HIGD1A: variants seen among roughly 807,000 people sequenced by gnomAD.
HIGD1A encodes HIG1 domain family member 1A, mitochondrial.
Under a neutral mutation model 11.3 loss-of-function variants are expected in HIGD1A, and 8 were observed. The ratio of observed to expected loss-of-function variants is 0.71; its 90% CI spans 0.42 to 1.28. The LOEUF (loss-of-function observed/expected upper bound fraction) is 1.28. HIGD1A is among the 50% of genes most tolerant of loss of function. The pLI is 0.01. For missense variants in HIGD1A, 107 were observed against 118.8 expected (o/e 0.90, Z 0.46); for synonymous variants, 32 against 38.4 (o/e 0.83, Z 0.62).
intron 2 of HIGD1A, among the ~76,000 whole-genome samples, chr3:42,791,389 A>G (rs930283727): frequency 6.6e-6 from 1 of 152,222 alleles, no homozygotes; most frequent in African/African-American, 2.4e-5. Flanking sequence ...ATTTAATTAG[A>G]AAAAGACATC....
At chr3:42,793,115 T>C (rs1439625386) in intron 2 of HIGD1A, among the ~76,000 whole-genome samples, 5 of 152,034 alleles carry the variant, frequency 3.3e-5, no homozygotes, top group African/African-American at 7.2e-5. Flanking sequence ...TGGAGAAATA[T>C]GTACATCAAA....
intron 1 of HIGD1A, among the ~76,000 whole-genome samples, chr3:42,801,334 G>A (rs181829428): frequency 3.9e-5 from 6 of 152,202 alleles, no homozygotes; most frequent in Admixed American, 1.3e-4. Flanking sequence ...CTTTAAGTTC[G>A]TAAGTGCTTT....
At chr3:42,793,207 T>C (rs1214448633) in intron 2 of HIGD1A, among the ~76,000 whole-genome samples, 1 of 152,170 alleles carries the variant, frequency 6.6e-6, no homozygotes, top group African/African-American at 2.4e-5. Flanking sequence ...TTTAAACTTT[T>C]TCTTAAGATT....
chr3:42,794,663 G>C (rs1700472163), intron 1 of HIGD1A, among the ~76,000 whole-genome samples: 1 of 152,150 alleles, frequency 6.6e-6, no homozygotes, highest in Non-Finnish European at 1.5e-5. Flanking sequence ...AAACCAAACT[G>C]ACAACTCCTA....
intron 1 of HIGD1A, among the ~76,000 whole-genome samples, chr3:42,802,686 C>A (rs1271224666): frequency 1.3e-5 from 2 of 152,114 alleles, no homozygotes; most frequent in Non-Finnish European, 2.9e-5. Context: ...GATGAATAAT[C>A]CAAGCCAATA....
Position 42,786,099 on chromosome 3 carries a change from G to T in HIGD1A, c.161C>A (p.Thr54Asn). The change falls in exon 3 of 4, where the codon ACT (threonine) becomes AAT (asparagine). Residue 54 changes from threonine to asparagine, a missense_variant. Thr to Asn is a moderately conservative substitution (Grantham distance 65, BLOSUM62 0). Coordinates refer to ENST00000321331, the MANE Select transcript of HIGD1A (RefSeq NM_014056.4). ...GTGGATCAGATGAATGGACATTTTA[G>T]TATTTCCCCTGCTCTTCAGTTTATA... The part of the protein sequence containing the change: ...GLYKLKSRGN[T>N]KMSIHLIHMR... 6.2e-7 allele frequency: 1 copy of T among 1,613,814 alleles called. No homozygotes were observed. Among genetic ancestry groups the T allele is most frequent in the African/African-American group, 1.3e-5 (1 of 75,038 alleles).
chr3:42,788,026 CCA>C (rs869144861), intron 2 of HIGD1A, among the ~76,000 whole-genome samples: 3 of 15,540 alleles, frequency 1.9e-4, no homozygotes, highest in African/African-American at 2.1e-4. Flanking sequence ...ACACATACCC[CCA>C]CCTCTAACCA....
chr3:42,804,460 C>T lies in HIGD1A; in HGVS notation c.-47G>A. ...CCTAGAGCGAGAAAACCTCTCACAC[C>T]CCAACCGGCTTCCGATCCCTGCAGG... On this transcript the variant is annotated 5_prime_UTR_variant, in exon 1 of 4. Transcript: ENST00000321331. 1 of 477,356 alleles carries T rather than the reference C, an allele frequency of 2.1e-6. No homozygotes were observed. The allele number at this position is 477,356 out of a possible 1,614,324, so 29.6% of individuals were successfully genotyped here.
intron 2 of HIGD1A, among the ~76,000 whole-genome samples, chr3:42,793,264 T>C (rs1299426931): frequency 1.3e-5 from 2 of 152,150 alleles, no homozygotes; most frequent in Non-Finnish European, 2.9e-5. Flanking sequence ...TAACTGCATA[T>C]TAAATGAATT....
intron 2 of HIGD1A, among the ~76,000 whole-genome samples, chr3:42,791,803 TA>T (rs1227511887): frequency 1.3e-5 from 2 of 152,096 alleles, no homozygotes; most frequent in Non-Finnish European, 2.9e-5. Flanking sequence ...CATAATGACT[TA>T]AATGACTTAA....
intron 3 of HIGD1A, among the ~76,000 whole-genome samples, chr3:42,785,579 A>C (rs1156926815): frequency 6.6e-6 from 1 of 152,242 alleles, no homozygotes; most frequent in African/African-American, 2.4e-5. Context: ...TTGAAAGAAC[A>C]ATCAATATTT....
intron 1 of HIGD1A, 115 bp from the exon 2 acceptor site, chr3:42,794,390 T>C (rs905165418): frequency 9.9e-7 from 1 of 1,007,154 alleles, no homozygotes; most frequent in Non-Finnish European, 1.4e-6. Context: ...ATGTTATCCA[T>C]AATCCTAAAG....
chr3:42,803,152 C>T (rs560632156), intron 1 of HIGD1A, among the ~76,000 whole-genome samples: 7 of 152,290 alleles, frequency 4.6e-5, no homozygotes, highest in Non-Finnish European at 1.0e-4. Context: ...CTAAAAAAGG[C>T]ACCAGTAACC....
Position 42,787,030 on chromosome 3 carries a change from A to C in HIGD1A, c.98-868T>G, listed in dbSNP as rs577140087. 5.3e-5 allele frequency among the ~76,000 whole-genome samples: 8 copies of C among 152,342 alleles called. No homozygotes were observed. In the East Asian group the frequency reaches 1.2e-3, roughly 22 times the overall value. On this transcript the variant is annotated intron_variant, in intron 2 of 3. Transcript: ENST00000321331. ...AATGGACAGTTCAAGAAATAAAGAC[A>C]TAATGGTTAAGATATAATGGTGAGC... is the stretch of plus-strand genomic sequence containing the variant.
chr3:42,794,402 TA>T (rs1700468709), intron 1 of HIGD1A, 127 bp from the exon 2 acceptor site: 3 of 872,290 alleles, frequency 3.4e-6, no homozygotes, highest in African/African-American at 1.8e-5. Flanking sequence ...ATCCTAAAGT[TA>T]AAAAATATTT....
chr3:42,799,297 TAAAAAAA>T lies in HIGD1A; in HGVS notation c.-22-5029_-22-5023del, dbSNP rs532630050. On this transcript the variant is annotated intron_variant, in intron 1 of 3. Transcript: ENST00000321331. Reference sequence around the variant, plus strand: ...AAGAATTATCAATAAAAAAATAAATTAAAAAAAAAAAAAAAAAAAAAAGAATCTTATA... The same window carrying T: ...AAGAATTATCAATAAAAAAATAAATTAAAAAAAAAAAAAAAGAATCTTATA... Among the ~76,000 whole-genome samples, 40 of 114,582 alleles carry T rather than the reference TAAAAAAA, an allele frequency of 3.5e-4. 15 individuals are homozygous for T. Among genetic ancestry groups the T allele is most frequent in the African/African-American group, 1.5e-3 (40 of 26,080 alleles). The allele number at this position is 114,582 out of a possible 152,430, so 75.2% of individuals were successfully genotyped here.
rs773092059 is a variant in HIGD1A, at chr3:42,792,851, G to A, written c.97+1306C>T. Among the ~76,000 whole-genome samples, 51 of 151,466 alleles carry A rather than the reference G, an allele frequency of 3.4e-4. 1 individual carries two copies. The highest frequency in any genetic ancestry group is 6.0e-4 in the Non-Finnish European group (41 of 67,942). The stretch of plus-strand genomic sequence containing the variant: ...CAAAGAAATTAGCTGGCGTGGCGGC[G>A]GGCACCTATAATTCTAGCTACTCAG... On this transcript the variant is annotated intron_variant, in intron 2 of 3. Transcript: ENST00000321331.
intron 2 of HIGD1A, among the ~76,000 whole-genome samples, chr3:42,789,038 ATT>A (rs35390450): frequency 5.3e-5 from 6 of 113,932 alleles, no homozygotes; most frequent in East Asian, 2.5e-4. Context: ...TACTTTGGGA[ATT>A]TTTTTTTTTT....
At chr3:42,794,044 A>G in intron 2 of HIGD1A, 113 bp downstream of exon 2, 3 of 1,007,854 alleles carry the variant, frequency 3.0e-6, no homozygotes, top group Non-Finnish European at 2.9e-6. Context: ...CAATCTCAGC[A>G]TATTTCAACA....
Sources: gnomAD v4.1 joint callset for allele counts (sites outside exome capture counted in the v4.1 genomes callset) on GRCh38, gnomAD v4.1.1 for gene constraint, MANE v1.5 for transcripts, NCBI Gene and HGNC (gene_info 2026-07-23, HGNC 2026-07-21) for gene names.